The following CADM2 variants were observed in gnomAD, a reference collection of about 807,000 sequenced individuals.
The protein encoded by CADM2 is immunoglobulin superfamily member 4D.
In CADM2, 12 loss-of-function variants were observed where a neutral mutation model predicts 49.8. The observed-to-expected ratio is 0.24, with a 90% confidence interval of 0.15 to 0.39. CADM2 has a LOEUF of 0.39. Among genes scored for constraint, CADM2 ranks in the 10% least tolerant of loss-of-function variants. CADM2 has a pLI of 1.00. For missense variants in CADM2, 378 were observed against 492.3 expected, an observed-to-expected ratio of 0.77 and a Z score of 2.20; for synonymous variants, 214 against 175.4, an observed-to-expected ratio of 1.22 and a Z score of -1.74.
chr3:85,781,061 G>A (rs1577297389), intron 2 of CADM2, among the ~76,000 whole-genome samples: 1 of 152,252 alleles, frequency 6.6e-6, no homozygotes, highest in African/African-American at 2.4e-5. Flanking sequence ...GCAACTAACT[G>A]TAGATGCATT....
At chr3:85,218,934 A>G (rs1282300967) in intron 1 of CADM2, among the ~76,000 whole-genome samples, 1 of 152,168 alleles carries the variant, frequency 6.6e-6, no homozygotes. Flanking sequence ...AATCTATCTT[A>G]CCTTTTGGTT....
intron 3 of CADM2, among the ~76,000 whole-genome samples, chr3:85,807,717 C>T (rs531566535): frequency 6.6e-6 from 1 of 152,160 alleles, no homozygotes; most frequent in African/African-American, 2.4e-5. Context: ...ACTCAATATC[C>T]TCCCATGCCC....
chr3:85,982,424 C>G (rs186345975), intron 8 of CADM2, among the ~76,000 whole-genome samples: 2 of 151,594 alleles, frequency 1.3e-5, no homozygotes, highest in South Asian at 4.2e-4. Context: ...TTAAAGAAAT[C>G]ACACAAAAAT....
intron 7 of CADM2, among the ~76,000 whole-genome samples, chr3:85,947,424 C>A (rs1026900152): frequency 6.6e-6 from 1 of 150,648 alleles, no homozygotes; most frequent in Non-Finnish European, 1.5e-5. Flanking sequence ...ACTTTGTGTT[C>A]TGATATATAG....
At chr3:85,455,876 G>A (rs1364890220) in intron 1 of CADM2, among the ~76,000 whole-genome samples, 2 of 152,094 alleles carry the variant, frequency 1.3e-5, no homozygotes, top group Non-Finnish European at 1.5e-5. Context: ...AGACATAGTG[G>A]TCAATCTCCA....
At chr3:85,758,148 G>A (rs555744082) in intron 2 of CADM2, among the ~76,000 whole-genome samples, 3 of 152,210 alleles carry the variant, frequency 2.0e-5, no homozygotes, top group East Asian at 1.9e-4. Flanking sequence ...ACAGAGTTCC[G>A]TAAATTAGCA....
chr3:86,039,035 C>A (rs749642886), intron 8 of CADM2, among the ~76,000 whole-genome samples: 1 of 152,140 alleles, frequency 6.6e-6, no homozygotes, highest in Non-Finnish European at 1.5e-5. Flanking sequence ...ACTCTTTTAG[C>A]CCCTGTTAGG....
intron 1 of CADM2, among the ~76,000 whole-genome samples, chr3:85,608,050 T>G (rs1287881549): frequency 1.3e-5 from 2 of 152,172 alleles, no homozygotes; most frequent in African/African-American, 2.4e-5. Context: ...AAATGTGATA[T>G]AATGTTTATC....
At chr3:85,156,267 C>T (rs1379433268) in intron 1 of CADM2, among the ~76,000 whole-genome samples, 4 of 151,820 alleles carry the variant, frequency 2.6e-5, no homozygotes, top group Non-Finnish European at 4.4e-5. Context: ...ATCAAATAGA[C>T]GCAATAAAAA....
chr3:85,532,625 C>G (rs1006234770), intron 1 of CADM2, among the ~76,000 whole-genome samples: 1 of 152,222 alleles, frequency 6.6e-6, no homozygotes, highest in Non-Finnish European at 1.5e-5. Context: ...ATTGGCTCTT[C>G]TAGCAATATT....
chr3:84,959,662 C>T lies in CADM2; in HGVS notation c.55C>T (p.Leu19=), dbSNP rs2030253271. 1 of 1,536,918 alleles carries T rather than the reference C, an allele frequency of 6.5e-7. No homozygotes were observed. The highest frequency in any genetic ancestry group is 1.2e-5 in the South Asian group (1 of 84,052). Residue 19 remains leucine (L), a synonymous_variant, in exon 1 of 10, where the codon CTA becomes TTA. Transcript: ENST00000383699. ...CTTCTACAGTGTCTGCGGGCTCCTGCTACAAGGTAATCCCCGCCCCGGCGC... is the reference window on the plus strand; with the variant it reads ...CTTCTACAGTGTCTGCGGGCTCCTGTTACAAGGTAATCCCCGCCCCGGCGC... ...LRFYSVCGLL[L]QAAASKNKVK...
chr3:85,481,913 T>C (rs1044442996), intron 1 of CADM2, among the ~76,000 whole-genome samples: 2 of 151,540 alleles, frequency 1.3e-5, no homozygotes, highest in African/African-American at 4.8e-5. Context: ...AAAGTTGTAC[T>C]TCAAAAGATG....
chr3:85,651,984 C>T (rs1369408954), intron 1 of CADM2, among the ~76,000 whole-genome samples: 11 of 105,492 alleles, frequency 1.0e-4, no homozygotes, highest in South Asian at 7.2e-4. Flanking sequence ...CGCCCGGCTA[C>T]TTTTTTTTTT....
At chr3:85,624,680 A>G (rs1441206484) in intron 1 of CADM2, among the ~76,000 whole-genome samples, 1 of 152,074 alleles carries the variant, frequency 6.6e-6, no homozygotes, top group African/African-American at 2.4e-5. Flanking sequence ...TAGTCTTTAC[A>G]TTTATTTTAG....
chr3:84,974,497 T>C (rs571250465), intron 1 of CADM2, among the ~76,000 whole-genome samples: 2 of 151,230 alleles, frequency 1.3e-5, no homozygotes, highest in East Asian at 3.9e-4. Context: ...TAAGTTTTCC[T>C]AAGTCAGAGA....
intron 1 of CADM2, among the ~76,000 whole-genome samples, chr3:85,204,153 G>C (rs561287077): frequency 6.6e-6 from 1 of 151,992 alleles, no homozygotes; most frequent in Non-Finnish European, 1.5e-5. Flanking sequence ...TTTTTTCATT[G>C]TTTTTAAAAA....
At chr3:85,314,630 T>A (rs2044422816) in intron 1 of CADM2, among the ~76,000 whole-genome samples, 1 of 152,180 alleles carries the variant, frequency 6.6e-6, no homozygotes, top group Admixed American at 6.5e-5. Flanking sequence ...TTAATTCTGT[T>A]TCTTTAATGA....
intron 1 of CADM2, among the ~76,000 whole-genome samples, chr3:85,181,461 G>A (rs1488776645): frequency 6.6e-6 from 1 of 152,070 alleles, no homozygotes; most frequent in Non-Finnish European, 1.5e-5. Flanking sequence ...AAACTGAAGT[G>A]TAATATGAGA....
At chr3:86,014,254 C>G in intron 8 of CADM2, 1 of 1,306,708 alleles carries the variant, frequency 7.7e-7, no homozygotes, top group Non-Finnish European at 1.0e-6. Context: ...CTCTGCAGTG[C>G]AGTAACAGAT....
Sources: gnomAD v4.1 joint callset for allele counts (sites outside exome capture counted in the v4.1 genomes callset) on GRCh38, gnomAD v4.1.1 for gene constraint, MANE v1.5 for transcripts, NCBI Gene and HGNC (gene_info 2026-07-23, HGNC 2026-07-21) for gene names.